DENND6A: variants seen among roughly 807,000 people sequenced by gnomAD.
DENND6A encodes DENN domain containing 6A.
DENND6A carries 43 observed loss-of-function variants against 95.5 expected under a neutral mutation model. The ratio of observed to expected loss-of-function variants is 0.45; its 90% confidence interval spans 0.35 to 0.58. The LOEUF is 0.58. Ranked by LOEUF, DENND6A falls within the 20% of genes least tolerant of loss-of-function variation. The pLI, the probability that DENND6A is intolerant of heterozygous loss-of-function variation, is 0.00. For synonymous variants in DENND6A, 257 were observed against 260.4 expected (o/e 0.99, Z 0.13); for missense variants, 574 against 736.0 (o/e 0.78, Z 2.55).
intron 9 of DENND6A, among the ~76,000 whole-genome samples, chr3:57,655,747 TG>T (rs2071312045): frequency 6.6e-6 from 1 of 152,114 alleles, no homozygotes; most frequent in Admixed American, 6.6e-5. Context: ...AATCCCCAAA[TG>T]CAAAAAAGTC....
chr3:57,673,213 C>CAAAAAAAAAAAAAAAAAAAAAGAAAAAAA (rs386396751), intron 1 of DENND6A, among the ~76,000 whole-genome samples: 4 of 70,692 alleles, frequency 5.7e-5, no homozygotes, highest in African/African-American at 7.0e-5. Flanking sequence ...CATTTCGTAT[C>CAAAAAAAAAAAAAAAAAAAAAGAAAAAAA]AAAAAAAAAA....
chr3:57,629,502 G>T, intron 18 of DENND6A, among the ~76,000 whole-genome samples: 1 of 143,632 alleles, frequency 7.0e-6, no homozygotes, highest in Non-Finnish European at 1.5e-5. Context: ...AAAAAAATCA[G>T]TCCGCTTTTT....
rs2070577589 is a variant in DENND6A at position 57,628,303 on chromosome 3, T to C, written c.1738A>G (p.Met580Val). The change falls in exon 20 of 20, where the codon ATG becomes GTG. Residue 580 changes from methionine to valine, a missense_variant. This residue lies in a region of DENND6A where 452 missense variants were observed against 630.9 expected (regional missense o/e 0.72). Transcript: ENST00000311128. ...TCTATGTGTGTCCGTAACTTTTCCA[T>C]AGTGTCAGGTTTCACAGGTAAGTGC... is the stretch of plus-strand genomic sequence containing the variant. The part of the protein sequence containing the change: ...REHLPVKPDT[M>V]EKLRTHIDAI... 1 of 1,614,204 alleles carries C rather than the reference T, an allele frequency of 6.2e-7. No homozygotes were observed. The highest frequency in any genetic ancestry group is 1.3e-5 in the African/African-American group (1 of 75,062).
rs772884849 is a variant in DENND6A at position 57,626,943 on chromosome 3, C to T, written c.*1271G>A. The T allele has an allele frequency of 1.3e-5, 2 of 152,084 alleles. No homozygotes were observed. Among genetic ancestry groups the T allele is most frequent in the African/African-American group, 2.4e-5 (1 of 41,366 alleles). 9.4% of individuals were successfully genotyped at this position (152,084 alleles called of 1,614,324 possible). The stretch of plus-strand genomic sequence containing the variant: ...AACATTAATGTTGGGAAAAATAAAA[C>T]GCTACCAAACAAATAATGCCAGAAA... On this transcript the variant is annotated 3_prime_UTR_variant, in exon 20 of 20. Transcript: ENST00000311128.
At chr3:57,665,423 T>C (rs1208690564) in intron 4 of DENND6A, among the ~76,000 whole-genome samples, 4 of 152,114 alleles carry the variant, frequency 2.6e-5, no homozygotes, top group Non-Finnish European at 2.9e-5. Flanking sequence ...TTAGATGATA[T>C]ATGCTTATTA....
chr3:57,641,654 T>G lies in DENND6A; in HGVS notation c.1131A>C (p.Thr377=). 1 of 1,607,740 alleles carries G rather than the reference T, an allele frequency of 6.2e-7. No homozygotes were observed. The highest frequency in any genetic ancestry group is 1.1e-5 in the South Asian group (1 of 89,920). Reference sequence around the variant, plus strand: ...CAGAACACCAAGTTTATACTTTACCTGTAGGTTTAAGGTCTCCTATTCGAA... The same window carrying G: ...CAGAACACCAAGTTTATACTTTACCGGTAGGTTTAAGGTCTCCTATTCGAA... ...HIIRIGDLKP[T]GEIPKQVKVK... Residue 377 remains threonine, a splice_region_variant and synonymous_variant, in exon 12 of 20, where the codon ACA becomes ACC. Transcript: ENST00000311128.
intron 1 of DENND6A, among the ~76,000 whole-genome samples, chr3:57,674,503 T>C (rs1262472978): frequency 6.6e-6 from 1 of 152,018 alleles, no homozygotes; most frequent in Non-Finnish European, 1.5e-5. Context: ...TGGTGGTACA[T>C]GCCTGTAATC....
chr3:57,640,877 A>C (rs146074589), intron 12 of DENND6A, among the ~76,000 whole-genome samples: 3 of 152,140 alleles, frequency 2.0e-5, no homozygotes, highest in African/African-American at 7.2e-5. Flanking sequence ...TAGGTTAACA[A>C]AACTTCCAAC....
At position 57,630,543 on chromosome 3, in the gene DENND6A, A is replaced by G; in HGVS notation, c.1518-20T>C. 2 of 1,579,198 alleles carry G rather than the reference A, an allele frequency of 1.3e-6. No individual in the cohort carries two copies. The highest frequency in any genetic ancestry group is 1.7e-6 in the Non-Finnish European group (2 of 1,169,288). ...AAATGCCTATAAAAATACATTTTAA[A>G]AAAGTAAAGTTTGATTATAACTTAT... On this transcript the variant is annotated intron_variant, in intron 17 of 19. Transcript: ENST00000311128.
intron 5 of DENND6A, 97 bp from the exon 6 acceptor site, chr3:57,661,648 AT>A: frequency 1.1e-6 from 1 of 938,634 alleles, no homozygotes; most frequent in Non-Finnish European, 1.6e-6. Flanking sequence ...AAAAGTGTGG[AT>A]TTTAAAATAA....
intron 1 of DENND6A, among the ~76,000 whole-genome samples, chr3:57,681,285 G>A (rs1449145192): frequency 6.6e-6 from 1 of 151,998 alleles, no homozygotes; most frequent in Non-Finnish European, 1.5e-5. Context: ...CTAACACAGT[G>A]AAACCCCGTC....
intron 1 of DENND6A, among the ~76,000 whole-genome samples, chr3:57,692,152 C>T (rs1480967644): frequency 6.8e-6 from 1 of 146,766 alleles, no homozygotes; most frequent in Admixed American, 7.0e-5. Flanking sequence ...TGCCTGAATC[C>T]GGGAGGCAGA....
chr3:57,635,422 C>A (rs2070771040), intron 12 of DENND6A, among the ~76,000 whole-genome samples: 2 of 152,110 alleles, frequency 1.3e-5, no homozygotes, highest in African/African-American at 4.8e-5. Flanking sequence ...CCTAAACAAC[C>A]CTTATAACAG....
chr3:57,630,087 C>A (rs1335865128), intron 18 of DENND6A, among the ~76,000 whole-genome samples: 1 of 152,184 alleles, frequency 6.6e-6, no homozygotes, highest in Non-Finnish European at 1.5e-5. Context: ...GCACATTTGG[C>A]TCTTGTGAGC....
chr3:57,648,670 T>C (rs2071130650), intron 9 of DENND6A, among the ~76,000 whole-genome samples: 1 of 152,074 alleles, frequency 6.6e-6, no homozygotes, highest in Admixed American at 6.6e-5. Context: ...AAAATAGGCA[T>C]ATAGACCAAT....
intron 1 of DENND6A, among the ~76,000 whole-genome samples, chr3:57,684,075 C>G (rs2077189718): frequency 6.8e-6 from 1 of 147,474 alleles, no homozygotes; most frequent in Admixed American, 7.0e-5. Context: ...TTGCTTGAAC[C>G]CAGAAGGTGG....
intron 3 of DENND6A, among the ~76,000 whole-genome samples, chr3:57,671,366 T>C (rs971590479): frequency 7.3e-5 from 11 of 151,592 alleles, no homozygotes; most frequent in African/African-American, 2.7e-4. Context: ...CTACTAAAAA[T>C]ACAAAAACAA....
intron 12 of DENND6A, among the ~76,000 whole-genome samples, chr3:57,640,604 A>G (rs1320811270): frequency 6.6e-6 from 1 of 152,206 alleles, no homozygotes; most frequent in Non-Finnish European, 1.5e-5. Context: ...AGTACATTAT[A>G]AAGTTATTAG....
chr3:57,652,091 C>A (rs1052696925), intron 9 of DENND6A, among the ~76,000 whole-genome samples: 3 of 152,058 alleles, frequency 2.0e-5, no homozygotes, highest in Admixed American at 6.6e-5. Context: ...TCCACAAATT[C>A]TTTGACAGTC....
Sources: gnomAD v4.1 joint callset for allele counts (sites outside exome capture counted in the v4.1 genomes callset) on GRCh38, gnomAD v4.1.1 for gene constraint, gnomAD v4.1.1 regional missense constraint, MANE v1.5 for transcripts, NCBI Gene and HGNC (gene_info 2026-07-23, HGNC 2026-07-21) for gene names.